The following RAB23 variants were observed in gnomAD, a reference collection of about 807,000 sequenced individuals.
RAB23 encodes the protein ras-related protein Rab-23.
Under a neutral mutation model 30.0 loss-of-function variants are expected in RAB23, and 15 were observed. The ratio of observed to expected loss-of-function variants is 0.50; its 90% CI spans 0.33 to 0.77. RAB23 has a LOEUF of 0.77. Among genes scored for constraint, RAB23 ranks in the 30% least tolerant of loss-of-function variants. The probability of loss-of-function intolerance (pLI) is 0.02; values close to 1 mark genes in which losing one functional copy is unlikely to be tolerated. For synonymous variants in RAB23, 93 were observed against 94.0 expected, an observed-to-expected ratio of 0.99 and a Z score of 0.06; for missense variants, 243 against 275.4, an observed-to-expected ratio of 0.88 and a Z score of 0.83.
intron 3 of RAB23, 121 bp downstream of exon 3, chr6:57,207,507 T>C: frequency 1.4e-6 from 1 of 695,790 alleles, no homozygotes; most frequent in Non-Finnish European, 2.5e-6. Context: ...AAAAATACTT[T>C]GAAATTATTT....
At chr6:57,208,362 T>C (rs988542101) in intron 2 of RAB23, among the ~76,000 whole-genome samples, 4 of 152,016 alleles carry the variant, frequency 2.6e-5, no homozygotes, top group African/African-American at 9.7e-5. Context: ...AAAAGCAATT[T>C]ACCGCCAGTC....
rs751619487 is a variant in RAB23 at position 57,190,463 on chromosome 6, A to C, written c.712T>G (p.Ter238GluextTer69). 5 of 1,614,062 alleles carry C rather than the reference A, an allele frequency of 3.1e-6. No individual in the cohort carries two copies. The South Asian group carries it at 5.5e-5, about 18-fold the overall frequency. The change falls in exon 7 of 7, where the codon TAA (stop) becomes GAA (glutamate). Residue 238 changes from the stop codon to glutamate (E), a stop_lost. Coordinates refer to ENST00000468148, the MANE Select transcript of RAB23 (RefSeq NM_016277.5). ...RNPFSSCSIP[*>E] The stretch of plus-strand genomic sequence containing the variant: ...AATTGTTTTCCTCCCAAAACATCTT[A>C]GGGTATGCTACAGCTGCTAAAAGGA...
intron 3 of RAB23, among the ~76,000 whole-genome samples, chr6:57,201,704 GAGACCCAATCA>G (rs1765275355): frequency 6.6e-6 from 1 of 152,042 alleles, no homozygotes; most frequent in African/African-American, 2.4e-5. Context: ...TCTTTTGTTA[GAGACCCAATCA>G]AGGACCAAAA....
At chr6:57,203,013 T>G (rs866553162) in intron 3 of RAB23, among the ~76,000 whole-genome samples, 4 of 142,392 alleles carry the variant, frequency 2.8e-5, no homozygotes, top group South Asian at 2.4e-4. Context: ...TTTTTTTTTT[T>G]TTTTTTTTTT....
At chr6:57,214,993 T>A (rs1246008972) in intron 1 of RAB23, among the ~76,000 whole-genome samples, 1 of 152,188 alleles carries the variant, frequency 6.6e-6, no homozygotes, top group East Asian at 1.9e-4. Context: ...TATAAAGAAG[T>A]ACCAAATGGA....
intron 3 of RAB23, among the ~76,000 whole-genome samples, chr6:57,198,869 GATA>G (rs2127999415): frequency 6.6e-6 from 1 of 152,146 alleles, no homozygotes; most frequent in African/African-American, 2.4e-5. Flanking sequence ...ACCCCAAACA[GATA>G]ATGCCAGAGA....
At position 57,210,334 on chromosome 6, in the gene RAB23, C is replaced by G; in HGVS notation, c.47G>C (p.Gly16Ala). ...ACTTGATTTTCCAACTGCTCCATTC[C>G]CTACAACCACCATCTTTATGGCGAC... ...MEVAIKMVVV[G>A]NGAVGKSSMI... Residue 16 changes from glycine (G) to alanine (A), a missense_variant, in exon 2 of 7, where the codon GGG (glycine) becomes GCG (alanine). Coordinates refer to ENST00000468148, the MANE Select transcript of RAB23 (RefSeq NM_016277.5). The G allele has an allele frequency of 6.2e-7, 1 of 1,614,066 alleles. No individual in the cohort carries two copies. Among genetic ancestry groups the G allele is most frequent in the Non-Finnish European group, 8.5e-7 (1 of 1,179,958 alleles).
At chr6:57,202,149 A>G (rs1443808871) in intron 3 of RAB23, among the ~76,000 whole-genome samples, 1 of 152,226 alleles carries the variant, frequency 6.6e-6, no homozygotes, top group Admixed American at 6.5e-5. Flanking sequence ...TATATATGGC[A>G]TAGTGTTTCT....
At chr6:57,208,484 C>CA (rs1318005557) in intron 2 of RAB23, among the ~76,000 whole-genome samples, 1 of 151,758 alleles carries the variant, frequency 6.6e-6, no homozygotes, top group Non-Finnish European at 1.5e-5. Flanking sequence ...CTGTCTCTAC[C>CA]AAAAATAGAA....
At position 57,210,406 on chromosome 6, in the gene RAB23, C is replaced by T. The variant is rs768672429; in HGVS notation, c.-26G>A. On this transcript the variant is annotated 5_prime_UTR_variant, in exon 2 of 7. Coordinates refer to ENST00000468148, the MANE Select transcript of RAB23 (RefSeq NM_016277.5). The stretch of plus-strand genomic sequence containing the variant: ...TTTTGGAGCTGAAATGGTTTCTGTA[C>T]CAACTCTAATTCTAGGAGATCAGAT... 18 of 1,610,492 alleles carry T rather than the reference C, an allele frequency of 1.1e-5. No homozygotes were observed. In the East Asian group the frequency reaches 3.8e-4, roughly 34 times the overall value.
intron 3 of RAB23, among the ~76,000 whole-genome samples, chr6:57,198,566 A>G (rs1356709102): frequency 6.6e-6 from 1 of 152,108 alleles, no homozygotes; most frequent in Admixed American, 6.5e-5. Flanking sequence ...CTGTAGTCCC[A>G]GCTACTCAGG....
At chr6:57,213,944 GT>G (rs1221128454) in intron 1 of RAB23, among the ~76,000 whole-genome samples, 1 of 151,764 alleles carries the variant, frequency 6.6e-6, no homozygotes, top group Non-Finnish European at 1.5e-5. Flanking sequence ...CCTCTATGGG[GT>G]GGTGTCAGAA....
At chr6:57,198,368 G>C (rs1220450764) in intron 3 of RAB23, among the ~76,000 whole-genome samples, 1 of 152,116 alleles carries the variant, frequency 6.6e-6, no homozygotes, top group Non-Finnish European at 1.5e-5. Flanking sequence ...CAAAAAATTA[G>C]CTGGGTGTGG....
chr6:57,217,792 T>G (rs1223166797), intron 1 of RAB23, among the ~76,000 whole-genome samples: 1 of 151,598 alleles, frequency 6.6e-6, no homozygotes, highest in African/African-American at 2.4e-5. Context: ...GAAAAACTGA[T>G]GAAACAAAAA....
chr6:57,199,520 A>G (rs759586220), intron 3 of RAB23, among the ~76,000 whole-genome samples: 2 of 152,244 alleles, frequency 1.3e-5, no homozygotes, highest in African/African-American at 2.4e-5. Context: ...AGTTAAAGGC[A>G]ATCACCTTAA....
intron 3 of RAB23, among the ~76,000 whole-genome samples, chr6:57,207,066 G>A (rs1765479182): frequency 6.6e-6 from 1 of 152,096 alleles, no homozygotes; most frequent in Admixed American, 6.6e-5. Flanking sequence ...AAAGAAAAGG[G>A]CAAAATTTTA....
chr6:57,207,600 A>G, intron 3 of RAB23, 28 bp downstream of exon 3: 2 of 1,506,520 alleles, frequency 1.3e-6, no homozygotes, highest in Non-Finnish European at 1.8e-6. Flanking sequence ...TGCCCAAACA[A>G]AATAAATAAA....
intron 1 of RAB23, among the ~76,000 whole-genome samples, chr6:57,217,726 C>CAA (rs374472444): frequency 6.8e-6 from 1 of 146,240 alleles, no homozygotes; most frequent in Admixed American, 6.8e-5. Flanking sequence ...CCAAAGCAAG[C>CAA]AAAAAAAAAG....
At chr6:57,212,236 G>C (rs1765685226) in intron 1 of RAB23, among the ~76,000 whole-genome samples, 1 of 152,220 alleles carries the variant, frequency 6.6e-6, no homozygotes, top group Non-Finnish European at 1.5e-5. Context: ...AACAGGCAGT[G>C]CCACTTGAGT....
Sources: gnomAD v4.1 joint callset for allele counts (sites outside exome capture counted in the v4.1 genomes callset) on GRCh38, gnomAD v4.1.1 for gene constraint, MANE v1.5 for transcripts, NCBI Gene and HGNC (gene_info 2026-07-23, HGNC 2026-07-21) for gene names.